SLC34A2: variants seen among roughly 807,000 people sequenced by gnomAD.
The protein encoded by SLC34A2 is solute carrier family 34 member 2.
A neutral mutation model predicts 50.8 loss-of-function variants in SLC34A2; 41 were observed. That is an observed-to-expected ratio of 0.81 (90% CI 0.63 to 1.05). The LOEUF (loss-of-function observed/expected upper bound fraction) is 1.05. SLC34A2 is among the 50% of genes least tolerant of loss of function. The pLI, the probability that SLC34A2 is intolerant of heterozygous loss-of-function variation, is 0.00. For synonymous variants in SLC34A2, 401 were observed against 364.2 expected, an observed-to-expected ratio of 1.10 and a Z score of -1.15; for missense variants, 879 against 876.7, an observed-to-expected ratio of 1.00 and a Z score of -0.03.
In SLC34A2 at chr4:25,678,692, T is replaced by C; in HGVS notation, c.*1943T>C. 1 of 431,630 alleles carries C rather than the reference T, an allele frequency of 2.3e-6. No individual in the cohort carries two copies. The highest frequency in any genetic ancestry group is 3.7e-5 in the East Asian group (1 of 26,954). 26.7% of individuals were successfully genotyped at this position (431,630 alleles called of 1,614,324 possible). On this transcript the variant is annotated 3_prime_UTR_variant, in exon 13 of 13. Coordinates refer to ENST00000382051, the MANE Select transcript of SLC34A2 (RefSeq NM_006424.3). ...CACCACCAGGCCTGATTGTAATTTT[T>C]TTTTTTTTTTTTTTACTGGTTATGG... is the stretch of plus-strand genomic sequence containing the variant.
chr4:25,676,909 T>TA lies in SLC34A2; in HGVS notation c.*160_*161insA. 1 of 976,534 alleles carries TA rather than the reference T, an allele frequency of 1.0e-6. No individual in the cohort carries two copies. Among genetic ancestry groups the TA allele is most frequent in the African/African-American group, 1.6e-5 (1 of 61,790 alleles). 60.5% of individuals were successfully genotyped at this position (976,534 alleles called of 1,614,324 possible). ...CCTAACTCGATTCCCTTTGGCTTGG[T>TA]GGTAGGCCTGCAGGGCACTTTTATT... is the stretch of plus-strand genomic sequence containing the variant. On this transcript the variant is annotated 3_prime_UTR_variant, in exon 13 of 13. Transcript: ENST00000382051.
In SLC34A2 at chr4:25,676,556, G is replaced by A. The variant is rs974734046; in HGVS notation, c.1880G>A (p.Arg627His). 5.6e-6 allele frequency: 9 copies of A among 1,612,854 alleles called. No homozygotes were observed. Among genetic ancestry groups the A allele is most frequent in the East Asian group, 2.2e-5 (1 of 44,866 alleles). ...TGCTGCTGCTGCCGCGTGTGCTGCC[G>A]CGCGTGCTGCTTGCTGTGTGACTGC... ...RCCCCCRVCC[R>H]ACCLLCDCPK... The change falls in exon 13 of 13, where the codon CGC becomes CAC. Residue 627 changes from arginine (R) to histidine (H), a missense_variant. Transcript: ENST00000382051.
chr4:25,670,657 C>T, intron 7 of SLC34A2, 81 bp from the exon 8 acceptor site: 1 of 1,060,962 alleles, frequency 9.4e-7, no homozygotes, highest in Non-Finnish European at 1.4e-6. Context: ...CTTAGAGCCC[C>T]TCTCACTTCA....
At chr4:25,667,747 C>CAA in intron 5 of SLC34A2, 133 bp from the exon 6 acceptor site, 1 of 681,940 alleles carries the variant, frequency 1.5e-6, no homozygotes. Context: ...GAGTGAGGTG[C>CAA]AAAAAAAAAG....
At chr4:25,664,886 A>T (rs1022131784) in intron 4 of SLC34A2, 1 of 233,288 alleles carries the variant, frequency 4.3e-6, no homozygotes, top group East Asian at 6.1e-5. Flanking sequence ...ACAAACAAGC[A>T]GCACTCCGTC....
chr4:25,661,193 T>C (rs1338126959), intron 1 of SLC34A2, among the ~76,000 whole-genome samples: 1 of 152,192 alleles, frequency 6.6e-6, no homozygotes. Context: ...ACTATTAGTC[T>C]CATAACCCTG....
At chr4:25,657,130 C>A (rs911988757) in intron 1 of SLC34A2, among the ~76,000 whole-genome samples, 5 of 152,150 alleles carry the variant, frequency 3.3e-5, no homozygotes, top group African/African-American at 1.2e-4. Flanking sequence ...CAAATTGCCC[C>A]ATCCAAAACT....
At chr4:25,665,421 G>A (rs943690218) in intron 4 of SLC34A2, among the ~76,000 whole-genome samples, 8 of 152,090 alleles carry the variant, frequency 5.3e-5, no homozygotes, top group Admixed American at 6.6e-5. Context: ...CCCGTCCTCC[G>A]CCTCCCGAAG....
rs1715277888 is a variant in SLC34A2, at chr4:25,678,552, GT to G, written c.*1804del. 1 of 214,250 alleles carries G rather than the reference GT, an allele frequency of 4.7e-6. No homozygotes were observed. The highest frequency in any genetic ancestry group is 9.5e-6 in the Non-Finnish European group (1 of 105,552). The allele number at this position is 214,250 out of a possible 1,614,324, so 13.3% of individuals were successfully genotyped here. A position where few individuals can be genotyped will look rare whatever the true frequency, so the allele number is the denominator to read the frequency against. On this transcript the variant is annotated 3_prime_UTR_variant, in exon 13 of 13. Transcript: ENST00000382051. ...TTGAATCTTTGTACTTGCATTGATT[GT>G]ATAATAATTTTGAGACCAGGTCTCG... is the stretch of plus-strand genomic sequence containing the variant.
chr4:25,669,749 G>T lies in SLC34A2; in HGVS notation c.738G>T (p.Gln246His), dbSNP rs773779289. 6.2e-7 allele frequency: 1 copy of T among 1,614,148 alleles called. No homozygotes were observed. The highest frequency in any genetic ancestry group is 1.1e-5 in the South Asian group (1 of 91,078). Reference sequence around the variant, plus strand: ...CCCATTACCTCGAGATCATAACCCAGCTTATAGTGGAGAGCTTCCACTTCA... The same window carrying T: ...CCCATTACCTCGAGATCATAACCCATCTTATAGTGGAGAGCTTCCACTTCA... Reference protein sequence around the residue: ...VATHYLEIITQLIVESFHFKN... With the variant: ...VATHYLEIITHLIVESFHFKN... Residue 246 changes from glutamine to histidine, a missense_variant, in exon 7 of 13, where the codon CAG becomes CAT. Coordinates refer to ENST00000382051, the MANE Select transcript of SLC34A2 (RefSeq NM_006424.3).
intron 8 of SLC34A2, 103 bp downstream of exon 8, chr4:25,670,936 G>T (rs1038248443): frequency 1.1e-6 from 1 of 922,610 alleles, no homozygotes; most frequent in Non-Finnish European, 1.7e-6. Context: ...TCAGGGGAAA[G>T]AAATATTGGG....
In SLC34A2 at chr4:25,664,182, C is replaced by G; in HGVS notation, c.251-20C>G. On this transcript the variant is annotated intron_variant, in intron 3 of 12. Transcript: ENST00000382051. ...AGTTTCATGCCTTTCTCTCTCTCCC[C>G]CCATCCCACCCCCCTGCAGAGAGAG... 6.2e-7 allele frequency: 1 copy of G among 1,608,562 alleles called. No homozygotes were observed. The highest frequency in any genetic ancestry group is 8.5e-7 in the Non-Finnish European group (1 of 1,175,650).
chr4:25,668,009 A>G lies in SLC34A2; in HGVS notation c.635+18A>G. On this transcript the variant is annotated intron_variant, in intron 6 of 12. Coordinates refer to ENST00000382051, the MANE Select transcript of SLC34A2 (RefSeq NM_006424.3). Reference sequence around the variant, plus strand: ...TTCAGAAGGTAAGAGGCTCAAAACCAGCCTTTGCGACATCAGCTCTATTGT... The same window carrying G: ...TTCAGAAGGTAAGAGGCTCAAAACCGGCCTTTGCGACATCAGCTCTATTGT... 6.7e-7 allele frequency: 1 copy of G among 1,494,294 alleles called. No homozygotes were observed. The allele number at this position is 1,494,294 out of a possible 1,614,324, so 92.6% of individuals were successfully genotyped here.
At position 25,669,644 on chromosome 4, in the gene SLC34A2, T is replaced by C. The variant is rs1286753289; in HGVS notation, c.636-3T>C. 1.2e-6 allele frequency: 2 copies of C among 1,613,710 alleles called. No homozygotes were observed. Among genetic ancestry groups the C allele is most frequent in the Non-Finnish European group, 1.7e-6 (2 of 1,180,020 alleles). On this transcript the variant is annotated splice_polypyrimidine_tract_variant and splice_region_variant and intron_variant, in intron 6 of 12. Transcript: ENST00000382051. ...TCTGGCTGTCGGGGTTTCCCTCCCA[T>C]AGAGCTTTTGCAGGAGCCACTGTCC... is the stretch of plus-strand genomic sequence containing the variant.
chr4:25,678,570 C>T lies in SLC34A2; in HGVS notation c.*1821C>T. 1 of 228,970 alleles carries T rather than the reference C, an allele frequency of 4.4e-6. No individual in the cohort carries two copies. The highest frequency in any genetic ancestry group is 9.9e-5 in the South Asian group (1 of 10,116). 14.2% of individuals were successfully genotyped at this position (228,970 alleles called of 1,614,324 possible). ...ATTGATTGTATAATAATTTTGAGACCAGGTCTCGCTGTGTTGCTCAGGCTG... is the reference window on the plus strand; with the variant it reads ...ATTGATTGTATAATAATTTTGAGACTAGGTCTCGCTGTGTTGCTCAGGCTG... On this transcript the variant is annotated 3_prime_UTR_variant, in exon 13 of 13. Transcript: ENST00000382051.
chr4:25,671,908 G>T (rs1174132879), intron 9 of SLC34A2, among the ~76,000 whole-genome samples, 187 bp downstream of exon 9: 1 of 152,202 alleles, frequency 6.6e-6, no homozygotes. Context: ...GAGGTGACAG[G>T]CCTGAGGTCC....
At chr4:25,664,476 T>C (rs1284845072) in intron 4 of SLC34A2, 146 bp downstream of exon 4, 2 of 874,942 alleles carry the variant, frequency 2.3e-6, no homozygotes, top group Admixed American at 2.3e-5. Flanking sequence ...TTATGAAGTC[T>C]ATGCTTTCCG....
At chr4:25,676,051 G>A in intron 12 of SLC34A2, 84 bp from the exon 13 acceptor site, 4 of 1,573,850 alleles carry the variant, frequency 2.5e-6, no homozygotes, top group Admixed American at 1.8e-5. Flanking sequence ...TGTGATGCCT[G>A]CTAGCTTACC....
intron 6 of SLC34A2, 70 bp from the exon 7 acceptor site, chr4:25,669,577 T>C: frequency 7.2e-7 from 1 of 1,379,316 alleles, no homozygotes; most frequent in Non-Finnish European, 1.0e-6. Flanking sequence ...ATGATACAGG[T>C]AATGACCCAC....
Sources: gnomAD v4.1 joint callset for allele counts (sites outside exome capture counted in the v4.1 genomes callset) on GRCh38, gnomAD v4.1.1 for gene constraint, MANE v1.5 for transcripts, NCBI Gene and HGNC (gene_info 2026-07-23, HGNC 2026-07-21) for gene names.